The following PCDHA9 variants were observed in gnomAD, a reference collection of about 807,000 sequenced individuals.
PCDHA9 encodes protocadherin alpha-9.
Under a neutral mutation model 62.0 loss-of-function variants are expected in PCDHA9, and 62 were observed. That is an observed-to-expected ratio of 1.00 (90% CI 0.81 to 1.23). The LOEUF (loss-of-function observed/expected upper bound fraction) is 1.23. PCDHA9 is among the 50% of genes most tolerant of loss of function. The pLI is 0.00. For synonymous variants in PCDHA9, 557 were observed against 567.6 expected, an observed-to-expected ratio of 0.98 and a Z score of 0.27; for missense variants, 1,205 against 1,249.8, an observed-to-expected ratio of 0.96 and a Z score of 0.54.
intron 3 of PCDHA9, among the ~76,000 whole-genome samples, chr5:140,987,510 C>A (rs1225122300): frequency 6.6e-6 from 1 of 152,184 alleles, no homozygotes; most frequent in Non-Finnish European, 1.5e-5. Flanking sequence ...ACCTCTGCCA[C>A]TCAGTAATTG....
At chr5:140,975,562 A>T (rs1445534188) in intron 1 of PCDHA9, among the ~76,000 whole-genome samples, 2 of 152,206 alleles carry the variant, frequency 1.3e-5, no homozygotes, top group African/African-American at 4.8e-5. Flanking sequence ...GGAAAAGGAG[A>T]TATTATATGC....
chr5:141,006,029 G>A (rs539375544), intron 3 of PCDHA9, among the ~76,000 whole-genome samples: 12 of 151,322 alleles, frequency 7.9e-5, no homozygotes, highest in Non-Finnish European at 1.2e-4. Context: ...ATAATAGTAA[G>A]AGGGAGATTT....
chr5:140,858,784 T>C (rs1554152015), intron 1 of PCDHA9: 8 of 401,650 alleles, frequency 2.0e-5, no homozygotes, highest in Non-Finnish European at 3.6e-5. Context: ...TACTTCATGT[T>C]ATTTCATTTC....
At chr5:140,852,191 G>A in intron 1 of PCDHA9, 1 of 725,566 alleles carries the variant, frequency 1.4e-6, no homozygotes, top group Non-Finnish European at 1.7e-6. Context: ...GAAAATGCCA[G>A]TAACGTTTAT....
intron 1 of PCDHA9, among the ~76,000 whole-genome samples, chr5:140,965,073 TCTGA>T (rs1372324599): frequency 1.3e-5 from 2 of 152,186 alleles, no homozygotes; most frequent in African/African-American, 4.8e-5. Context: ...CAGGTCTCAC[TCTGA>T]CTTTGTTCCA....
At chr5:140,871,911 A>G (rs2053380850) in intron 1 of PCDHA9, among the ~76,000 whole-genome samples, 1 of 152,196 alleles carries the variant, frequency 6.6e-6, no homozygotes, top group Non-Finnish European at 1.5e-5. Flanking sequence ...TTTTGCCTTG[A>G]TATTTCCACA....
At chr5:140,882,481 C>T in intron 1 of PCDHA9, 2 of 1,614,038 alleles carry the variant, frequency 1.2e-6, no homozygotes, top group Middle Eastern at 1.7e-4. Flanking sequence ...CCAAAAGACA[C>T]GGGGACCTTC....
In PCDHA9 at chr5:140,938,797, G is replaced by T. The variant is rs76361474; in HGVS notation, c.2395-40152G>T. On this transcript the variant is annotated intron_variant, in intron 1 of 3. Coordinates refer to ENST00000532602, the MANE Select transcript of PCDHA9 (RefSeq NM_031857.2). Reference sequence around the variant, plus strand: ...TTAGTACCTGAATGATGAAATAATCGGTACCACAAACCCCTGTGACATGAG... The same window carrying T: ...TTAGTACCTGAATGATGAAATAATCTGTACCACAAACCCCTGTGACATGAG... Among the ~76,000 whole-genome samples, 827 of 152,042 alleles carry T rather than the reference G, an allele frequency of 5.4e-3. 3 individuals carry two copies. Among genetic ancestry groups the T allele is most frequent in the African/African-American group, 0.019 (796 of 41,444 alleles).
intron 1 of PCDHA9, among the ~76,000 whole-genome samples, chr5:140,915,616 GTC>G (rs1166585947): frequency 7.5e-6 from 1 of 134,000 alleles, no homozygotes. Context: ...CTGTCAAACA[GTC>G]TCTTTCTGTC....
chr5:140,961,982 C>T (rs1367678374), intron 1 of PCDHA9, among the ~76,000 whole-genome samples: 2 of 151,650 alleles, frequency 1.3e-5, no homozygotes, highest in African/African-American at 4.9e-5. Context: ...CTCCTGGGTT[C>T]ACGCCATTGT....
chr5:140,968,670 T>C lies in PCDHA9; in HGVS notation c.2395-10279T>C, dbSNP rs782754896. 23 of 1,614,180 alleles carry C rather than the reference T, an allele frequency of 1.4e-5. No homozygotes were observed. Among genetic ancestry groups the C allele is most frequent in the Non-Finnish European group, 1.8e-5 (21 of 1,180,034 alleles). On this transcript the variant is annotated intron_variant, in intron 1 of 3. Coordinates refer to ENST00000532602, the MANE Select transcript of PCDHA9 (RefSeq NM_031857.2). ...ACTTCTGACCTGGACCTCTTTAAGG[T>C]AGAGCTGCACACAGGAGAAATTAGG...
intron 1 of PCDHA9, among the ~76,000 whole-genome samples, chr5:140,936,282 T>C (rs781971653): frequency 6.6e-6 from 1 of 152,250 alleles, no homozygotes; most frequent in Non-Finnish European, 1.5e-5. Context: ...CTGTGTTTTC[T>C]TCTATAACAT....
chr5:140,960,417 A>G (rs1340642372), intron 1 of PCDHA9, among the ~76,000 whole-genome samples: 10 of 152,218 alleles, frequency 6.6e-5, no homozygotes, highest in African/African-American at 1.9e-4. Flanking sequence ...CAAAAAGTCA[A>G]CAATTACTTG....
intron 1 of PCDHA9, chr5:140,876,621 A>G: frequency 6.2e-7 from 1 of 1,614,120 alleles, no homozygotes; most frequent in Non-Finnish European, 8.5e-7. Context: ...GAGCCAATGG[A>G]CAGGTCATCT....
At chr5:140,877,533 G>A (rs1554169813) in intron 1 of PCDHA9, 2 of 1,613,790 alleles carry the variant, frequency 1.2e-6, no homozygotes, top group South Asian at 2.2e-5. Context: ...TGGGCGCTGT[G>A]GATCCCGAAG....
intron 1 of PCDHA9, among the ~76,000 whole-genome samples, chr5:140,935,092 C>T (rs1015892831): frequency 2.6e-5 from 4 of 152,100 alleles, no homozygotes; most frequent in Non-Finnish European, 5.9e-5. Context: ...TTCCCAGAAT[C>T]AGCCATTTTT....
At chr5:140,927,189 G>T in intron 1 of PCDHA9, 1 of 1,614,150 alleles carries the variant, frequency 6.2e-7, no homozygotes. Flanking sequence ...CCTACGACCT[G>T]GTGCTCGAGG....
chr5:140,948,637 T>C (rs2094284946), intron 1 of PCDHA9, among the ~76,000 whole-genome samples: 1 of 151,712 alleles, frequency 6.6e-6, no homozygotes, highest in Non-Finnish European at 1.5e-5. Context: ...TATTCTCTCA[T>C]CTTTTAACGT....
chr5:140,875,210 AAAAGAACCTC>A (rs2055354064), intron 1 of PCDHA9: 1 of 696,510 alleles, frequency 1.4e-6, no homozygotes, highest in Non-Finnish European at 2.1e-6. Context: ...GGCTAAACCG[AAAAGAACCTC>A]AGGATCTTTC....
Sources: gnomAD v4.1 joint callset for allele counts (sites outside exome capture counted in the v4.1 genomes callset) on GRCh38, gnomAD v4.1.1 for gene constraint, MANE v1.5 for transcripts, NCBI Gene and HGNC (gene_info 2026-07-23, HGNC 2026-07-21) for gene names.